The following DLGAP2 variants were observed in gnomAD, a reference collection of about 807,000 sequenced individuals.
DLGAP2 encodes disks large-associated protein 2.
A neutral mutation model predicts 100.3 loss-of-function variants in DLGAP2; 26 were observed. The ratio of observed to expected loss-of-function variants is 0.26; its 90% CI spans 0.19 to 0.36. The LOEUF (loss-of-function observed/expected upper bound fraction) is 0.36. DLGAP2 is among the 10% of genes least tolerant of loss of function. The pLI, the probability that DLGAP2 is intolerant of heterozygous loss-of-function variation, is 1.00. For missense variants in DLGAP2, 1,858 were observed against 1,453.2 expected (o/e 1.28, Z -4.53); for synonymous variants, 886 against 630.1 (o/e 1.41, Z -6.08).
At chr8:1,149,971 C>T (rs777959131) in intron 2 of DLGAP2, among the ~76,000 whole-genome samples, 3 of 152,156 alleles carry the variant, frequency 2.0e-5, no homozygotes, top group Non-Finnish European at 2.9e-5. Flanking sequence ...GCCACAGATA[C>T]GAATTCTGTA....
At chr8:755,097 G>A (rs1293471882) in intron 1 of DLGAP2, among the ~76,000 whole-genome samples, 1 of 152,112 alleles carries the variant, frequency 6.6e-6, no homozygotes, top group Non-Finnish European at 1.5e-5. Flanking sequence ...ATAACCCCCA[G>A]TGTGTCCCTC....
rs1798552416 is a variant in DLGAP2, at chr8:1,464,298, A to AAAGCACC, written c.107-37068_107-37067insAAGCACC. On this transcript the variant is annotated intron_variant, in intron 3 of 14. Coordinates refer to ENST00000637795, the MANE Select transcript of DLGAP2 (RefSeq NM_001346810.2). The stretch of plus-strand genomic sequence containing the variant: ...CCTTCCAGGACAACGCCCTTCCAGG[A>AAAGCACC]TGGCACCCTTCCAGGACAACGCCCT... 2.0e-5 allele frequency among the ~76,000 whole-genome samples: 2 copies of AAAGCACC among 98,008 alleles called. 1 individual carries two copies. Among genetic ancestry groups the AAAGCACC allele is most frequent in the Admixed American group, 2.1e-4 (2 of 9,722 alleles). The allele number at this position is 98,008 out of a possible 152,430, so 64.3% of individuals were successfully genotyped here. A position where few individuals can be genotyped will look rare whatever the true frequency, so the allele number is the denominator to read the frequency against.
chr8:893,998 G>A (rs1464026725), intron 1 of DLGAP2, among the ~76,000 whole-genome samples: 1 of 152,224 alleles, frequency 6.6e-6, no homozygotes, highest in African/African-American at 2.4e-5. Context: ...AGGTCACCCA[G>A]GCCGTGTGGC....
At chr8:1,243,319 G>T (rs1798837895) in intron 2 of DLGAP2, among the ~76,000 whole-genome samples, 1 of 152,130 alleles carries the variant, frequency 6.6e-6, no homozygotes, top group Non-Finnish European at 1.5e-5. Flanking sequence ...GCTCTGCTCT[G>T]CGAGGTCTTG....
chr8:1,112,543 C>G (rs1269838603), intron 2 of DLGAP2, among the ~76,000 whole-genome samples: 1 of 152,172 alleles, frequency 6.6e-6, no homozygotes, highest in Non-Finnish European at 1.5e-5. Context: ...CCCGGGCGTC[C>G]TTTGCCCACT....
chr8:1,507,692 T>C (rs946254263), intron 4 of DLGAP2, among the ~76,000 whole-genome samples: 4 of 151,540 alleles, frequency 2.6e-5, no homozygotes, highest in Admixed American at 2.0e-4. Flanking sequence ...TGAGCTTCTG[T>C]CTAGAAAGAA....
Position 1,607,598 on chromosome 8 carries a change from C to T in DLGAP2, c.1443-19142C>T, listed in dbSNP as rs376570084. Among the ~76,000 whole-genome samples the T allele has an allele frequency of 7.3e-5, 11 of 150,142 alleles. No individual in the cohort carries two copies. The South Asian group carries it at 8.5e-4, about 12-fold the overall frequency. ...TTCAGAGCGTGAGCGACGCAGAAGA[C>T]GGGTGATTTCTGCATTTCCATCTGA... is the stretch of plus-strand genomic sequence containing the variant. On this transcript the variant is annotated intron_variant, in intron 6 of 14. Transcript: ENST00000637795.
At chr8:787,983 C>CTGTGGCTCAGGATTCTG (rs1349894470) in intron 1 of DLGAP2, among the ~76,000 whole-genome samples, 4 of 152,232 alleles carry the variant, frequency 2.6e-5, no homozygotes, top group African/African-American at 9.6e-5. Context: ...CCAGGATGCT[C>CTGTGGCTCAGGATTCTG]TGTGGCTCAG....
chr8:858,405 T>C (rs766178448), intron 1 of DLGAP2, among the ~76,000 whole-genome samples: 14 of 152,224 alleles, frequency 9.2e-5, no homozygotes, highest in Non-Finnish European at 1.6e-4. Flanking sequence ...AAAGGTTCAG[T>C]GGCTGCCATG....
chr8:1,573,649 A>G (rs1802844165), intron 6 of DLGAP2, among the ~76,000 whole-genome samples: 1 of 152,154 alleles, frequency 6.6e-6, no homozygotes, highest in Non-Finnish European at 1.5e-5. Flanking sequence ...GCCCAAATGC[A>G]GGTAAACTAA....
chr8:823,888 G>A (rs75057977), intron 1 of DLGAP2, among the ~76,000 whole-genome samples: 29,093 of 152,064 alleles, frequency 0.19, 3,550 homozygotes, highest in Admixed American at 0.38. Flanking sequence ...CTTGTTGTGC[G>A]ATGACAGTGG....
At chr8:1,102,151 T>G (rs1431809515) in intron 2 of DLGAP2, among the ~76,000 whole-genome samples, 1 of 150,034 alleles carries the variant, frequency 6.7e-6, no homozygotes, top group Non-Finnish European at 1.5e-5. Context: ...AAAAGCTTAA[T>G]ATATATTCAA....
intron 3 of DLGAP2, among the ~76,000 whole-genome samples, chr8:1,290,408 G>T (rs892172938): frequency 6.6e-6 from 1 of 152,186 alleles, no homozygotes; most frequent in Non-Finnish European, 1.5e-5. Flanking sequence ...TGTCTGACCA[G>T]CACACCTGCA....
intron 2 of DLGAP2, among the ~76,000 whole-genome samples, chr8:1,216,489 T>A (rs187204966): frequency 2.5e-3 from 374 of 151,982 alleles, no homozygotes; most frequent in African/African-American, 7.7e-3. Context: ...TGTGCCACCA[T>A]GCCTGGCTAA....
chr8:1,078,166 G>C (rs559229819), intron 2 of DLGAP2, among the ~76,000 whole-genome samples: 1 of 152,108 alleles, frequency 6.6e-6, no homozygotes, highest in Non-Finnish European at 1.5e-5. Flanking sequence ...CTCCAGAGAC[G>C]CTCTCCTGGT....
At chr8:1,279,646 A>G (rs1188583282) in intron 3 of DLGAP2, among the ~76,000 whole-genome samples, 1 of 152,260 alleles carries the variant, frequency 6.6e-6, no homozygotes, top group African/African-American at 2.4e-5. Context: ...CAAGGCTGCC[A>G]TGAAGGTGTC....
intron 5 of DLGAP2, among the ~76,000 whole-genome samples, chr8:1,563,002 C>A (rs1450085164): frequency 1.5e-5 from 1 of 65,224 alleles, no homozygotes; most frequent in Non-Finnish European, 2.9e-5. Context: ...GGTGTCCGCG[C>A]CTCGTTGCTG....
At chr8:1,120,369 T>C (rs1376209977) in intron 2 of DLGAP2, among the ~76,000 whole-genome samples, 1 of 152,190 alleles carries the variant, frequency 6.6e-6, no homozygotes, top group Non-Finnish European at 1.5e-5. Context: ...CCCTTCAGAA[T>C]TTGTGAACAC....
intron 1 of DLGAP2, among the ~76,000 whole-genome samples, chr8:869,878 C>T (rs1797565374): frequency 6.6e-6 from 1 of 152,000 alleles, no homozygotes; most frequent in African/African-American, 2.4e-5. Context: ...GGAAAGGACA[C>T]ATTCTGAGCA....
Sources: gnomAD v4.1 joint callset for allele counts (sites outside exome capture counted in the v4.1 genomes callset) on GRCh38, gnomAD v4.1.1 for gene constraint, MANE v1.5 for transcripts, NCBI Gene and HGNC (gene_info 2026-07-23, HGNC 2026-07-21) for gene names.